The following TMEM232 variants were observed in gnomAD, a reference collection of about 807,000 sequenced individuals.
TMEM232 encodes the protein transmembrane protein 232.
In TMEM232, 80 loss-of-function variants were observed where a neutral mutation model predicts 78.8. The ratio of observed to expected loss-of-function variants is 1.01; its 90% CI spans 0.85 to 1.22. TMEM232 has a LOEUF of 1.22. Ranked by LOEUF, TMEM232 falls within the 50% of genes most tolerant of loss-of-function variation. The pLI is 0.00. For missense variants in TMEM232, 881 were observed against 742.2 expected (o/e 1.19, Z -2.17); for synonymous variants, 297 against 254.3 (o/e 1.17, Z -1.60).
intron 12 of TMEM232, among the ~76,000 whole-genome samples, chr5:110,442,490 TG>T (rs1291152056): frequency 6.6e-6 from 1 of 152,102 alleles, no homozygotes; most frequent in African/African-American, 2.4e-5. Context: ...TCAATCTTTT[TG>T]TTAAACTTAT....
chr5:110,700,725 G>T (rs1375183517), intron 1 of TMEM232, among the ~76,000 whole-genome samples: 3 of 151,788 alleles, frequency 2.0e-5, no homozygotes, highest in African/African-American at 7.3e-5. Flanking sequence ...TAATCTGGGG[G>T]AAGTGAAGAT....
At chr5:110,655,667 C>T (rs942110432) in intron 2 of TMEM232, among the ~76,000 whole-genome samples, 17 of 150,304 alleles carry the variant, frequency 1.1e-4, no homozygotes, top group Non-Finnish European at 2.5e-4. Context: ...AAATGTCCAA[C>T]AATGATAGAT....
Position 110,522,635 on chromosome 5 carries a change from T to C in TMEM232, c.1703+5953A>G, listed in dbSNP as rs560937466. Among the ~76,000 whole-genome samples the C allele has an allele frequency of 2.6e-5, 4 of 152,304 alleles. No individual in the cohort carries two copies. In the South Asian group the frequency reaches 8.3e-4, roughly 32 times the overall value. ...TTTTATCATAAAATGGTGTTGAATA[T>C]TGTCAAATGCCTTTTCAGCACCTGT... On this transcript the variant is annotated intron_variant, in intron 12 of 13. Transcript: ENST00000455884.
chr5:110,635,010 C>T (rs1212693279), intron 5 of TMEM232, among the ~76,000 whole-genome samples: 4 of 151,812 alleles, frequency 2.6e-5, no homozygotes, highest in Non-Finnish European at 5.9e-5. Flanking sequence ...GTAGATATTA[C>T]AATTAATACC....
chr5:110,537,855 C>T (rs1174151921), intron 11 of TMEM232, among the ~76,000 whole-genome samples: 6 of 152,210 alleles, frequency 3.9e-5, no homozygotes, highest in Admixed American at 1.3e-4. Context: ...TGGCCTTAGC[C>T]GTTGCTCTCT....
intron 10 of TMEM232, among the ~76,000 whole-genome samples, chr5:110,583,282 G>C (rs960171062): frequency 1.3e-5 from 2 of 151,848 alleles, no homozygotes; most frequent in African/African-American, 4.8e-5. Context: ...AACAGTACCA[G>C]CCTAAAGACT....
chr5:110,526,357 G>T (rs1770600626), intron 12 of TMEM232, among the ~76,000 whole-genome samples: 1 of 151,162 alleles, frequency 6.6e-6, no homozygotes, highest in Non-Finnish European at 1.5e-5. Context: ...TATAGTCCCA[G>T]GTTTTTGTAT....
At chr5:110,474,045 GATAAA>G (rs1380142432) in intron 12 of TMEM232, among the ~76,000 whole-genome samples, 1 of 151,494 alleles carries the variant, frequency 6.6e-6, no homozygotes, top group Non-Finnish European at 1.5e-5. Flanking sequence ...GTTACAGCTA[GATAAA>G]ATAAGTAAAT....
intron 2 of TMEM232, among the ~76,000 whole-genome samples, chr5:110,663,709 C>G (rs928730968): frequency 2.6e-5 from 4 of 151,424 alleles, no homozygotes; most frequent in Non-Finnish European, 4.4e-5. Flanking sequence ...CTCTCATACT[C>G]TTATAGACTG....
intron 12 of TMEM232, among the ~76,000 whole-genome samples, chr5:110,479,415 T>A (rs1005662573): frequency 6.6e-6 from 1 of 151,690 alleles, no homozygotes; most frequent in Non-Finnish European, 1.5e-5. Flanking sequence ...TAAAAAAAAT[T>A]ACCAAAATAA....
At chr5:110,730,270 C>A (rs1798551758), upstream of TMEM232, among the ~76,000 whole-genome samples, 1 of 152,164 alleles carries the variant, frequency 6.6e-6, no homozygotes, top group Admixed American at 6.5e-5. Flanking sequence ...GGAAAACAAT[C>A]TGACACCAAA....
At chr5:110,611,900 A>G (rs764149405) in intron 8 of TMEM232, among the ~76,000 whole-genome samples, 14 of 152,148 alleles carry the variant, frequency 9.2e-5, no homozygotes, top group Non-Finnish European at 2.1e-4. Context: ...ATGTACATAC[A>G]ACACCGTCAG....
chr5:110,400,638 C>T (rs1380271621), intron 2 of TMEM232, among the ~76,000 whole-genome samples: 2 of 151,884 alleles, frequency 1.3e-5, no homozygotes, highest in East Asian at 3.9e-4. Flanking sequence ...TAATTACGTT[C>T]ATTGTAAATG....
chr5:110,477,101 T>G (rs975278363), intron 12 of TMEM232, among the ~76,000 whole-genome samples: 1 of 152,164 alleles, frequency 6.6e-6, no homozygotes, highest in South Asian at 2.1e-4. Context: ...TTTCAGATGT[T>G]AAAGAACTGG....
At chr5:110,390,019 A>G (rs1317491599) in intron 4 of TMEM232, among the ~76,000 whole-genome samples, 1 of 152,102 alleles carries the variant, frequency 6.6e-6, no homozygotes, top group Non-Finnish European at 1.5e-5. Flanking sequence ...CCTGTGAGAG[A>G]GAAGGACTGA....
chr5:110,440,118 A>G lies in TMEM232; in HGVS notation c.1704-15202T>C, dbSNP rs576812119. On this transcript the variant is annotated intron_variant, in intron 12 of 13. Transcript: ENST00000455884. ...CAGAATACCTCAGAAATAAATCTGGAAAGATGAGTAGGAGTTAGTATAAAG... is the reference window on the plus strand; with the variant it reads ...CAGAATACCTCAGAAATAAATCTGGGAAGATGAGTAGGAGTTAGTATAAAG... 3.3e-5 allele frequency among the ~76,000 whole-genome samples: 5 copies of G among 152,304 alleles called. No individual in the cohort carries two copies. The East Asian group carries it at 7.7e-4, about 24-fold the overall frequency.
At chr5:110,668,606 C>T (rs1790922059) in intron 1 of TMEM232, among the ~76,000 whole-genome samples, 1 of 152,162 alleles carries the variant, frequency 6.6e-6, no homozygotes, top group Non-Finnish European at 1.5e-5. Flanking sequence ...AGGAATTGAA[C>T]TCAGCTCTGC....
At chr5:110,567,059 T>A (rs1776425413) in intron 11 of TMEM232, among the ~76,000 whole-genome samples, 1 of 151,718 alleles carries the variant, frequency 6.6e-6, no homozygotes, top group Admixed American at 6.6e-5. Context: ...ATGAGACTTA[T>A]TTACTATTAT....
intron 12 of TMEM232, among the ~76,000 whole-genome samples, chr5:110,482,473 C>T (rs1427699145): frequency 2.6e-5 from 4 of 151,678 alleles, no homozygotes; most frequent in East Asian, 3.9e-4. Context: ...CCCAGCTACT[C>T]GGGAGGCTGA....
Sources: allele counts gnomAD v4.1 joint callset (sites outside exome capture counted in the v4.1 genomes callset), GRCh38; gene constraint gnomAD v4.1.1; transcripts MANE v1.5; gene names NCBI Gene and HGNC (gene_info 2026-07-23, HGNC 2026-07-21).